Variants in CYP4X1 observed in about 807,000 individuals in gnomAD.
CYP4X1 encodes cytochrome P450 family 4 subfamily X member 1, also known as cytochrome P450 4X1.
CYP4X1 carries 44 observed loss-of-function variants against 57.9 expected under a neutral mutation model. The observed-to-expected ratio is 0.76, with a 90% CI of 0.60 to 0.98. The LOEUF (loss-of-function observed/expected upper bound fraction) is 0.98. Ranked by LOEUF, CYP4X1 falls within the 50% of genes least tolerant of loss-of-function variation. The pLI is 0.00. For synonymous variants in CYP4X1, 227 were observed against 228.6 expected (o/e 0.99, Z 0.06); for missense variants, 532 against 623.9 (o/e 0.85, Z 1.57).
chr1:46,984,652 C>A, the CYP4X1 span, among the ~76,000 whole-genome samples: 1 of 152,094 alleles, frequency 6.6e-6, no homozygotes, highest in Non-Finnish European at 1.5e-5. Flanking sequence ...GGGGGCTGTG[C>A]CTTGAGGAAC....
chr1:47,013,388 C>G, the CYP4X1 span, among the ~76,000 whole-genome samples: 21 of 152,056 alleles, frequency 1.4e-4, no homozygotes, highest in African/African-American at 4.8e-4. Context: ...ATTTGTAAAG[C>G]GGAAATAGTG....
chr1:47,006,954 C>G, the CYP4X1 span, among the ~76,000 whole-genome samples: 4 of 152,232 alleles, frequency 2.6e-5, no homozygotes, highest in Admixed American at 2.6e-4. Flanking sequence ...GTGGAGCCCA[C>G]CACAGCTCAA....
the CYP4X1 span, among the ~76,000 whole-genome samples, chr1:46,962,366 C>A: frequency 6.6e-6 from 1 of 152,156 alleles, no homozygotes; most frequent in East Asian, 1.9e-4. Context: ...GATCTGCCCA[C>A]CTCGGTCTCC....
chr1:46,976,597 G>C, the CYP4X1 span, among the ~76,000 whole-genome samples: 1 of 152,270 alleles, frequency 6.6e-6, no homozygotes. Flanking sequence ...GAGAGCAATG[G>C]TTCTCCCAGC....
the CYP4X1 span, among the ~76,000 whole-genome samples, chr1:46,999,728 T>G: frequency 6.7e-6 from 1 of 149,300 alleles, no homozygotes; most frequent in Non-Finnish European, 1.5e-5. Flanking sequence ...CATTCTGCAA[T>G]TTGTGGGCTG....
chr1:47,043,722 T>C (rs9699932), intron 8 of CYP4X1, among the ~76,000 whole-genome samples: 63,892 of 151,968 alleles, frequency 0.42, 14,798 homozygotes, highest in East Asian at 0.97. Context: ...ATTATCCCAG[T>C]ACAATTTGTT....
At chr1:47,025,287 A>C (rs1393747619) in intron 1 of CYP4X1, among the ~76,000 whole-genome samples, 1 of 152,112 alleles carries the variant, frequency 6.6e-6, no homozygotes, top group Admixed American at 6.5e-5. Flanking sequence ...GTTCACTTCC[A>C]CTATGAGTGG....
chr1:47,049,907 C>T lies in CYP4X1; in HGVS notation c.1356-93C>T. The T allele has an allele frequency of 3.9e-6, 5 of 1,270,770 alleles. 1 individual carries two copies. In the East Asian group the frequency reaches 9.3e-5, roughly 24 times the overall value. The allele number at this position is 1,270,770 out of a possible 1,614,324, so 78.7% of individuals were successfully genotyped here. A position where few individuals can be genotyped will look rare whatever the true frequency, so the allele number is the denominator to read the frequency against. ...CATTTGGTGGAAAAATATCACTTTACTGTGTACTTCAGACTTATTGTACTA... is the reference window on the plus strand; with the variant it reads ...CATTTGGTGGAAAAATATCACTTTATTGTGTACTTCAGACTTATTGTACTA... On this transcript the variant is annotated intron_variant, in intron 11 of 11. Coordinates refer to ENST00000371901, the MANE Select transcript of CYP4X1 (RefSeq NM_178033.2).
chr1:46,968,510 C>T, the CYP4X1 span, among the ~76,000 whole-genome samples: 85 of 152,308 alleles, frequency 5.6e-4, 1 homozygote, highest in Non-Finnish European at 6.0e-4. Context: ...GAACATTCTC[C>T]TTCCACCACT....
chr1:46,963,365 C>G, the CYP4X1 span, among the ~76,000 whole-genome samples: 20 of 151,820 alleles, frequency 1.3e-4, no homozygotes, highest in South Asian at 1.9e-3. Flanking sequence ...TCTTTACAAT[C>G]TGGCATGTTT....
At chr1:47,021,775 GAGTCACACC>G (rs1644000113), upstream of CYP4X1, among the ~76,000 whole-genome samples, 1 of 152,220 alleles carries the variant, frequency 6.6e-6, no homozygotes, top group African/African-American at 2.4e-5. Context: ...GCCTCAGAGG[GAGTCACACC>G]ACCAGCAAGA....
rs116736725 is a variant in CYP4X1, at chr1:47,028,685, C to T, written c.178-1305C>T. On this transcript the variant is annotated intron_variant, in intron 1 of 11. Coordinates refer to ENST00000371901, the MANE Select transcript of CYP4X1 (RefSeq NM_178033.2). Reference sequence around the variant, plus strand: ...AGTATAATGAAATACTTTCATATGGCTGGGGTGTTTATGAAAATTTTTTAC... The same window carrying T: ...AGTATAATGAAATACTTTCATATGGTTGGGGTGTTTATGAAAATTTTTTAC... 3.7e-3 allele frequency among the ~76,000 whole-genome samples: 559 copies of T among 152,226 alleles called. 8 individuals carry two copies. Among genetic ancestry groups the T allele is most frequent in the African/African-American group, 0.013 (530 of 41,546 alleles).
At chr1:47,007,145 A>C in the CYP4X1 span, among the ~76,000 whole-genome samples, 1 of 152,214 alleles carries the variant, frequency 6.6e-6, no homozygotes, top group Non-Finnish European at 1.5e-5. Context: ...TGGGTCCCTA[A>C]ACCCCGAGTA....
At chr1:47,041,893 AG>A (rs1644250151) in intron 8 of CYP4X1, among the ~76,000 whole-genome samples, 1 of 152,052 alleles carries the variant, frequency 6.6e-6, no homozygotes, top group African/African-American at 2.4e-5. Flanking sequence ...GTTTTTTTCT[AG>A]TAGTTTTATA....
chr1:46,997,115 C>T, the CYP4X1 span, among the ~76,000 whole-genome samples: 2 of 152,130 alleles, frequency 1.3e-5, no homozygotes, highest in Admixed American at 1.3e-4. Flanking sequence ...TTTATGTCTA[C>T]TCCTTTACAA....
At position 47,035,949 on chromosome 1, in the gene CYP4X1, G is replaced by A. The variant is rs1644175564; in HGVS notation, c.620+16G>A. On this transcript the variant is annotated intron_variant, in intron 5 of 11. Coordinates refer to ENST00000371901, the MANE Select transcript of CYP4X1 (RefSeq NM_178033.2). ...AGACAAACAGGTCAGTGGTGGGAGA[G>A]CAAAAAAGATATTTCTTCACATTTT... 2 of 1,610,408 alleles carry A rather than the reference G, an allele frequency of 1.2e-6. No homozygotes were observed. Among genetic ancestry groups the A allele is most frequent in the Middle Eastern group, 1.7e-4 (1 of 6,036 alleles).
At chr1:47,013,562 A>G in the CYP4X1 span, among the ~76,000 whole-genome samples, 1 of 152,152 alleles carries the variant, frequency 6.6e-6, no homozygotes, top group Non-Finnish European at 1.5e-5. Context: ...TGTTCAAACA[A>G]TATTATTATT....
At chr1:46,961,757 G>A in the CYP4X1 span, 1 of 1,312,148 alleles carries the variant, frequency 7.6e-7, no homozygotes, top group Non-Finnish European at 1.0e-6. Context: ...CAGTGGATTG[G>A]TGAGTAAGCA....
chr1:46,972,631 T>C, the CYP4X1 span, among the ~76,000 whole-genome samples: 5 of 152,188 alleles, frequency 3.3e-5, no homozygotes, highest in Non-Finnish European at 7.4e-5. Flanking sequence ...TTTATAATTC[T>C]TCTTGTACAG....
Sources: gnomAD v4.1 joint callset for allele counts (sites outside exome capture counted in the v4.1 genomes callset) on GRCh38, gnomAD v4.1.1 for gene constraint, MANE v1.5 for transcripts, NCBI Gene and HGNC (gene_info 2026-07-23, HGNC 2026-07-21) for gene names.